Variants in CMIP observed in about 807,000 individuals in gnomAD.
CMIP encodes the protein c-Maf inducing protein, also known as C-Maf-inducing protein.
CMIP carries 13 observed loss-of-function variants against 97.3 expected under a neutral mutation model. The ratio of observed to expected loss-of-function variants is 0.13; its 90% CI spans 0.09 to 0.21. The LOEUF (loss-of-function observed/expected upper bound fraction) is 0.21. CMIP is among the 10% of genes least tolerant of loss of function. The pLI is 1.00. For missense variants in CMIP, 847 were observed against 1,024.9 expected (o/e 0.83, Z 2.37); for synonymous variants, 538 against 436.3 (o/e 1.23, Z -2.91).
At chr16:81,508,375 A>G (rs2089749456) in intron 1 of CMIP, among the ~76,000 whole-genome samples, 1 of 152,216 alleles carries the variant, frequency 6.6e-6, no homozygotes, top group South Asian at 2.1e-4. Context: ...GAATGATAGA[A>G]TCCTGTGCAC....
chr16:81,710,173 T>C lies in CMIP; in HGVS notation c.*374T>C, dbSNP rs1908604014. 1 of 275,716 alleles carries C rather than the reference T, an allele frequency of 3.6e-6. No individual in the cohort carries two copies. Among genetic ancestry groups the C allele is most frequent in the Non-Finnish European group, 7.0e-6 (1 of 141,908 alleles). The allele number at this position is 275,716 out of a possible 1,614,324, so 17.1% of individuals were successfully genotyped here. A position where few individuals can be genotyped will look rare whatever the true frequency, so the allele number is the denominator to read the frequency against. ...GGAAAAGTCAACTCCGATGCCACCA[T>C]TGCGGGCCGGACGAAGGATGCTTTC... On this transcript the variant is annotated 3_prime_UTR_variant, in exon 21 of 21. Transcript: ENST00000537098.
intron 1 of CMIP, among the ~76,000 whole-genome samples, chr16:81,539,578 G>C (rs1212812853): frequency 1.3e-5 from 2 of 152,196 alleles, no homozygotes; most frequent in African/African-American, 4.8e-5. Flanking sequence ...GTATGTTTCT[G>C]TCTGGCCCTG....
intron 3 of CMIP, among the ~76,000 whole-genome samples, chr16:81,628,478 C>T (rs145232382): frequency 6.6e-6 from 1 of 152,212 alleles, no homozygotes; most frequent in Non-Finnish European, 1.5e-5. Flanking sequence ...ATCCTTACAG[C>T]CCTGAGGAGG....
intron 1 of CMIP, among the ~76,000 whole-genome samples, chr16:81,512,326 G>T (rs1023283365): frequency 4.6e-5 from 7 of 152,136 alleles, no homozygotes; most frequent in African/African-American, 1.7e-4. Flanking sequence ...TGGTTGATGG[G>T]CAGGTTCTGG....
chr16:81,475,334 G>A (rs116477652), intron 1 of CMIP, among the ~76,000 whole-genome samples: 1,990 of 152,280 alleles, frequency 0.013, 41 homozygotes, highest in African/African-American at 0.045. Flanking sequence ...CCACTCAGCG[G>A]AAGAAATAAA....
At chr16:81,464,618 T>G (rs930173323) in intron 1 of CMIP, 4 of 152,272 alleles carry the variant, frequency 2.6e-5, no homozygotes, top group African/African-American at 9.6e-5. Flanking sequence ...TTTATCCATT[T>G]GTAAGTGTAC....
intron 11 of CMIP, among the ~76,000 whole-genome samples, chr16:81,692,155 TC>T (rs1234027552): frequency 2.0e-5 from 3 of 152,184 alleles, no homozygotes; most frequent in African/African-American, 7.2e-5. Context: ...CGTGCAGTTA[TC>T]GTCTTTTATT....
intron 14 of CMIP, 69 bp downstream of exon 14, chr16:81,696,736 C>T (rs772220293): frequency 7.0e-7 from 1 of 1,423,602 alleles, no homozygotes; most frequent in East Asian, 2.4e-5. Context: ...ACTAGTAAAA[C>T]AGCCGTCCCC....
intron 1 of CMIP, among the ~76,000 whole-genome samples, chr16:81,448,000 G>C (rs553031721): frequency 6.6e-6 from 1 of 152,360 alleles, no homozygotes; most frequent in African/African-American, 2.4e-5. Flanking sequence ...GCGTTTTATA[G>C]TGCGGCCCAA....
At chr16:81,548,529 C>T (rs910329554) in intron 1 of CMIP, among the ~76,000 whole-genome samples, 3 of 152,164 alleles carry the variant, frequency 2.0e-5, no homozygotes, top group African/African-American at 4.8e-5. Context: ...CACCCTTCCA[C>T]CCCAGTTGTG....
chr16:81,594,421 G>T (rs1235038088), intron 1 of CMIP, among the ~76,000 whole-genome samples: 1 of 148,582 alleles, frequency 6.7e-6, no homozygotes, highest in Non-Finnish European at 1.5e-5. Flanking sequence ...CGCCTGGCCA[G>T]CATTACCTTT....
chr16:81,617,920 G>A (rs897895024), intron 2 of CMIP, among the ~76,000 whole-genome samples: 2 of 152,206 alleles, frequency 1.3e-5, no homozygotes, highest in African/African-American at 4.8e-5. Context: ...CGGGGCCAGT[G>A]GACACAGAAG....
chr16:81,667,781 A>C (rs2092621010), intron 7 of CMIP, among the ~76,000 whole-genome samples: 1 of 118,682 alleles, frequency 8.4e-6, no homozygotes, highest in Non-Finnish European at 1.8e-5. Context: ...AGAGAGAGAG[A>C]GAGAGAGAGA....
chr16:81,670,620 TGGGG>T lies in CMIP; in HGVS notation c.929+386_929+389del, dbSNP rs10542852. On this transcript the variant is annotated intron_variant, in intron 8 of 20. Coordinates refer to ENST00000537098, the MANE Select transcript of CMIP (RefSeq NM_198390.3). The stretch of plus-strand genomic sequence containing the variant: ...TGGGGTTGGTGTTTTGGGTTTTTTT[TGGGG>T]GGGGGGGGGGTGGTTGCTTTTGCTT... 1.7e-3 allele frequency among the ~76,000 whole-genome samples: 163 copies of T among 98,418 alleles called. 1 individual carries two copies. The highest frequency in any genetic ancestry group is 6.3e-3 in the African/African-American group (151 of 23,968). The allele number at this position is 98,418 out of a possible 152,430, so 64.6% of individuals were successfully genotyped here.
intron 1 of CMIP, 108 bp downstream of exon 1, chr16:81,445,649 TG>T: frequency 1.6e-6 from 2 of 1,260,248 alleles, no homozygotes; most frequent in Non-Finnish European, 2.1e-6. Context: ...TGGGGGGCGG[TG>T]GGGGGTGCCG....
chr16:81,692,383 A>G (rs1485278897), intron 11 of CMIP, among the ~76,000 whole-genome samples: 4 of 152,156 alleles, frequency 2.6e-5, no homozygotes, highest in African/African-American at 9.7e-5. Context: ...ACCATATTGA[A>G]TTGATCACTG....
intron 3 of CMIP, among the ~76,000 whole-genome samples, chr16:81,628,357 C>G (rs1445510981): frequency 6.6e-6 from 1 of 152,236 alleles, no homozygotes; most frequent in African/African-American, 2.4e-5. Flanking sequence ...GCCGAGCCCC[C>G]AGTTGCACCC....
At chr16:81,567,319 C>G (rs761597745) in intron 1 of CMIP, among the ~76,000 whole-genome samples, 1 of 152,242 alleles carries the variant, frequency 6.6e-6, no homozygotes, top group Non-Finnish European at 1.5e-5. Flanking sequence ...AGTGAGACAC[C>G]GCTGCTACAG....
chr16:81,469,384 A>G (rs1474414532), intron 1 of CMIP, among the ~76,000 whole-genome samples: 4 of 152,228 alleles, frequency 2.6e-5, no homozygotes, highest in African/African-American at 7.2e-5. Context: ...CATCAGTACA[A>G]TGGGGCAGAT....
Sources: allele counts gnomAD v4.1 joint callset (sites outside exome capture counted in the v4.1 genomes callset), GRCh38; gene constraint gnomAD v4.1.1; transcripts MANE v1.5; gene names NCBI Gene and HGNC (gene_info 2026-07-23, HGNC 2026-07-21).